Variants in ZNF280D observed in about 807,000 individuals in gnomAD.
ZNF280D encodes suppressor of hairy wing homolog 4.
ZNF280D carries 39 observed loss-of-function variants against 94.7 expected under a neutral mutation model. The ratio of observed to expected loss-of-function variants is 0.41; its 90% CI spans 0.32 to 0.54. The LOEUF (loss-of-function observed/expected upper bound fraction) is 0.54, where lower values mean the gene tolerates loss of function less well. Ranked by LOEUF, ZNF280D falls within the 20% of genes least tolerant of loss-of-function variation. The pLI is 0.22. For synonymous variants in ZNF280D, 398 were observed against 377.6 expected, an observed-to-expected ratio of 1.05 and a Z score of -0.63; for missense variants, 1,090 against 1,149.3, an observed-to-expected ratio of 0.95 and a Z score of 0.75.
chr15:56,727,591 A>G (rs1198491507), intron 1 of ZNF280D, among the ~76,000 whole-genome samples: 1 of 152,214 alleles, frequency 6.6e-6, no homozygotes, highest in African/African-American at 2.4e-5. Flanking sequence ...CTCATGCGTA[A>G]GTGGCAGATT....
At chr15:56,645,173 T>G (rs1566931438) in intron 19 of ZNF280D, 2 of 152,160 alleles carry the variant, frequency 1.3e-5, no homozygotes, top group Non-Finnish European at 2.9e-5. Flanking sequence ...GCTGAAATAG[T>G]CATTATTTTA....
intron 9 of ZNF280D, 117 bp downstream of exon 9, chr15:56,688,924 T>C: frequency 1.7e-6 from 1 of 582,760 alleles, no homozygotes; most frequent in South Asian, 3.8e-5. Context: ...AATTTTTATT[T>C]AAATTAAATG....
intron 13 of ZNF280D, among the ~76,000 whole-genome samples, chr15:56,669,887 A>AATATATATATATATT (rs2054592121): frequency 1.9e-4 from 1 of 5,312 alleles, no homozygotes; most frequent in African/African-American, 4.0e-4. Context: ...ATATATATAT[A>AATATATATATATATT]TTATATATAT....
rs752406605 is a variant in ZNF280D at position 56,632,069 on chromosome 15, G to A, written c.2369C>T (p.Ser790Leu). ...TTTTGTTGTTGATGAGCCTTCAAAT[G>A]AATTTGCATTACATCCATTTTTTTC... ...SKEKNGCNAN[S>L]FEGSSTTKSE... is the part of the protein sequence containing the mutation. Residue 790 changes from serine (S) to leucine (L), a missense_variant, in exon 22 of 22, where the codon TCA becomes TTA. Transcript: ENST00000267807. 1 of 1,603,524 alleles carries A rather than the reference G, an allele frequency of 6.2e-7. No homozygotes were observed. The highest frequency in any genetic ancestry group is 1.3e-5 in the African/African-American group (1 of 74,372).
At chr15:56,679,913 T>C (rs936452319) in intron 10 of ZNF280D, among the ~76,000 whole-genome samples, 1 of 152,252 alleles carries the variant, frequency 6.6e-6, no homozygotes. Context: ...TCCTGGTCGT[T>C]GTTAAATATT....
intron 1 of ZNF280D, among the ~76,000 whole-genome samples, chr15:56,729,162 C>T (rs761947056): frequency 1.3e-5 from 1 of 78,960 alleles, no homozygotes; most frequent in African/African-American, 5.1e-5. Context: ...TTGGACAATG[C>T]AGATCTACAC....
chr15:56,689,776 GCC>G (rs1790790001), intron 7 of ZNF280D, among the ~76,000 whole-genome samples: 1 of 148,428 alleles, frequency 6.7e-6, no homozygotes. Context: ...AATATTCCAA[GCC>G]AAAAAAAAAA....
intron 1 of ZNF280D, among the ~76,000 whole-genome samples, chr15:56,725,373 C>A (rs1867663534): frequency 1.3e-5 from 2 of 151,902 alleles, no homozygotes; most frequent in East Asian, 1.9e-4. Context: ...AATATGTATT[C>A]ATTTACTTAA....
intron 16 of ZNF280D, 125 bp downstream of exon 16, chr15:56,666,270 A>G: frequency 1.1e-6 from 1 of 917,946 alleles, no homozygotes; most frequent in Non-Finnish European, 1.6e-6. Context: ...AAAGTTCCTT[A>G]TTGTTAGATC....
chr15:56,678,697 T>C lies in ZNF280D; in HGVS notation c.1129A>G (p.Ile377Val), dbSNP rs142747344. Reference sequence around the variant, plus strand: ...TCATGGGGCGTATGTGTACTTTCGATGTGACACTGCAACTGAAATGGTGTG... The same window carrying C: ...TCATGGGGCGTATGTGTACTTTCGACGTGACACTGCAACTGAAATGGTGTG... Reference protein sequence around the residue: ...FPTPFQLQCHIESTHTPHEFS... With the variant: ...FPTPFQLQCHVESTHTPHEFS... The change falls in exon 11 of 22, where the codon ATC becomes GTC. Residue 377 changes from isoleucine (I) to valine (V), a missense_variant. Coordinates refer to ENST00000267807, the MANE Select transcript of ZNF280D (RefSeq NM_017661.4). The C allele has an allele frequency of 4.3e-6, 7 of 1,612,582 alleles. No homozygotes were observed. Among genetic ancestry groups the C allele is most frequent in the African/African-American group, 1.3e-5 (1 of 74,864 alleles).
At chr15:56,681,671 T>C (rs1415897749) in intron 10 of ZNF280D, among the ~76,000 whole-genome samples, 3 of 152,152 alleles carry the variant, frequency 2.0e-5, no homozygotes, top group Non-Finnish European at 4.4e-5. Flanking sequence ...GATTATGAAG[T>C]ACAAATTTCT....
At chr15:56,670,970 T>TG (rs1327339949) in intron 13 of ZNF280D, among the ~76,000 whole-genome samples, 7 of 152,144 alleles carry the variant, frequency 4.6e-5, no homozygotes, top group African/African-American at 7.2e-5. Flanking sequence ...GTTGGCCGCA[T>TG]GTATGTCTTC....
intron 1 of ZNF280D, among the ~76,000 whole-genome samples, chr15:56,717,808 T>C (rs559927446): frequency 6.6e-6 from 1 of 152,194 alleles, no homozygotes; most frequent in South Asian, 2.1e-4. Flanking sequence ...GCTGAATATT[T>C]CAGACACAAC....
chr15:56,708,193 T>A (rs1411435447), intron 1 of ZNF280D, among the ~76,000 whole-genome samples: 4 of 152,204 alleles, frequency 2.6e-5, no homozygotes, highest in African/African-American at 7.2e-5. Context: ...ATTTCTAAAG[T>A]ATGTAAACTG....
At chr15:56,712,930 G>A (rs572281715) in intron 1 of ZNF280D, among the ~76,000 whole-genome samples, 29 of 151,952 alleles carry the variant, frequency 1.9e-4, no homozygotes, top group Admixed American at 1.2e-3. Flanking sequence ...GGTAGAGATG[G>A]GGTTTCACCA....
At chr15:56,670,698 A>G (rs2054802794) in intron 13 of ZNF280D, among the ~76,000 whole-genome samples, 1 of 152,098 alleles carries the variant, frequency 6.6e-6, no homozygotes, top group Non-Finnish European at 1.5e-5. Flanking sequence ...TTTTGGGTAT[A>G]TACCCAGCAA....
chr15:56,692,793 C>T (rs2056501450), intron 7 of ZNF280D, among the ~76,000 whole-genome samples: 1 of 152,062 alleles, frequency 6.6e-6, no homozygotes, highest in Non-Finnish European at 1.5e-5. Flanking sequence ...AGTATTCAGG[C>T]TACCTGAGAA....
chr15:56,682,302 G>T lies in ZNF280D; in HGVS notation c.956C>A (p.Thr319Lys). ...GDVQEEQKTHTTFKCFSCLKI... is the reference protein window; with the variant it reads ...GDVQEEQKTHKTFKCFSCLKI... ...CAAGCAACTGAAGCATTTAAAGGTT[G>T]TGTGAGTCTTCTGTTCCTCCTGGAC... is the stretch of plus-strand genomic sequence containing the variant. Residue 319 changes from threonine to lysine, a missense_variant, in exon 10 of 22, where the codon ACA becomes AAA. By Grantham distance (78) the Thr-to-Lys change is moderately conservative. This residue lies in a region of ZNF280D where 386 missense variants were observed against 372.0 expected (regional missense o/e 1.04). Coordinates refer to ENST00000267807, the MANE Select transcript of ZNF280D (RefSeq NM_017661.4). 1 of 1,589,910 alleles carries T rather than the reference G, an allele frequency of 6.3e-7. No individual in the cohort carries two copies. The highest frequency in any genetic ancestry group is 8.5e-7 in the Non-Finnish European group (1 of 1,173,318).
At chr15:56,634,066 AT>A (rs1322180942) in intron 21 of ZNF280D, 4 of 152,104 alleles carry the variant, frequency 2.6e-5, no homozygotes, top group African/African-American at 4.8e-5. Context: ...ATCAGTGGGA[AT>A]GGAGAAGGAA....
Sources: allele counts gnomAD v4.1 joint callset (sites outside exome capture counted in the v4.1 genomes callset), GRCh38; gene constraint gnomAD v4.1.1; regional missense constraint gnomAD v4.1.1; transcripts MANE v1.5; gene names NCBI Gene and HGNC (gene_info 2026-07-23, HGNC 2026-07-21).